The following RAD18 variants were observed in gnomAD, a reference collection of about 807,000 sequenced individuals.
RAD18 encodes the protein E3 ubiquitin-protein ligase RAD18.
RAD18 carries 47 observed loss-of-function variants against 60.4 expected under a neutral mutation model. The ratio of observed to expected loss-of-function variants is 0.78; its 90% CI spans 0.62 to 0.99. The LOEUF (loss-of-function observed/expected upper bound fraction) is 0.99, where lower values mean the gene tolerates loss of function less well. RAD18 is among the 50% of genes least tolerant of loss of function. RAD18 has a pLI of 0.00. For missense variants in RAD18, 640 were observed against 593.3 expected, an observed-to-expected ratio of 1.08 and a Z score of -0.82; for synonymous variants, 225 against 195.5, an observed-to-expected ratio of 1.15 and a Z score of -1.26.
intron 2 of RAD18, among the ~76,000 whole-genome samples, chr3:8,955,992 GAC>G (rs996232471): frequency 1.4e-4 from 22 of 152,062 alleles, no homozygotes; most frequent in African/African-American, 5.3e-4. Context: ...TTATTAATAA[GAC>G]ACAGTAAGAG....
chr3:8,911,577 C>A (rs1235076645), intron 9 of RAD18, among the ~76,000 whole-genome samples: 1 of 129,254 alleles, frequency 7.7e-6, no homozygotes, highest in African/African-American at 2.7e-5. Flanking sequence ...AAGGCACAGG[C>A]AATCACACCT....
intron 4 of RAD18, among the ~76,000 whole-genome samples, chr3:8,945,553 C>A (rs1330978951): frequency 6.8e-6 from 1 of 147,784 alleles, no homozygotes; most frequent in Admixed American, 6.9e-5. Flanking sequence ...CTCACTGCAA[C>A]CTCCAACTCC....
At chr3:8,932,278 A>G (rs1194099736) in intron 7 of RAD18, among the ~76,000 whole-genome samples, 1 of 152,236 alleles carries the variant, frequency 6.6e-6, no homozygotes, top group African/African-American at 2.4e-5. Flanking sequence ...CACAACACAT[A>G]TATTTTAAAA....
chr3:8,905,347 T>C (rs928605064), intron 9 of RAD18, among the ~76,000 whole-genome samples: 7 of 152,216 alleles, frequency 4.6e-5, no homozygotes, highest in Admixed American at 1.3e-4. Flanking sequence ...CCCTGATCAC[T>C]TTAACTACTC....
chr3:8,926,414 C>T (rs1490940723), intron 7 of RAD18, among the ~76,000 whole-genome samples: 1 of 152,130 alleles, frequency 6.6e-6, no homozygotes, highest in African/African-American at 2.4e-5. Context: ...AAACAGGATA[C>T]AAACAAATGG....
At position 8,878,836 on chromosome 3, in the gene RAD18, T is replaced by A. The variant is rs1939410230; in HGVS notation, c.*2521A>T. 6.6e-6 allele frequency: 1 copy of A among 152,202 alleles called. No homozygotes were observed. The highest frequency in any genetic ancestry group is 6.5e-5 in the Admixed American group (1 of 15,284). The allele number at this position is 152,202 out of a possible 1,614,324, so 9.4% of individuals were successfully genotyped here. A position where few individuals can be genotyped will look rare whatever the true frequency, so the allele number is the denominator to read the frequency against. On this transcript the variant is annotated 3_prime_UTR_variant, in exon 13 of 13. Transcript: ENST00000264926. ...GAGCTGATGTTGATGGGAGATGTTA[T>A]AACTTTGAGGGGAGTGAGGAGGTAG... is the stretch of plus-strand genomic sequence containing the variant.
rs776229080 is a variant in RAD18, at chr3:8,935,974, C to T, written c.786G>A (p.Glu262=). 6.2e-7 allele frequency: 1 copy of T among 1,610,328 alleles called. No homozygotes were observed. The highest frequency in any genetic ancestry group is 8.5e-7 in the Non-Finnish European group (1 of 1,177,480). The change falls in exon 7 of 13, where the codon GAG becomes GAA. Residue 262 remains glutamate, a synonymous_variant. Coordinates refer to ENST00000264926, the MANE Select transcript of RAD18 (RefSeq NM_020165.4). ...TATTTCCTTGAATAGATAATCCATG[C>T]TCTTTTAGCTTTTTCTTTAAATCAC... ...SDRDLKKKLK[E]HGLSIQGNKQ...
At chr3:8,930,962 A>G (rs180735337) in intron 7 of RAD18, among the ~76,000 whole-genome samples, 4 of 152,286 alleles carry the variant, frequency 2.6e-5, no homozygotes, top group East Asian at 1.9e-4. Context: ...AAAGGAAAGG[A>G]TGTTTGCCCA....
chr3:8,886,057 T>A (rs1451733033), intron 12 of RAD18, among the ~76,000 whole-genome samples: 1 of 152,242 alleles, frequency 6.6e-6, no homozygotes, highest in African/African-American at 2.4e-5. Flanking sequence ...GTGCTACAAT[T>A]GTTTTAACAT....
Position 8,881,422 on chromosome 3 carries a change from T to G in RAD18, c.1423A>C (p.Asn475His). ...LQDTEISPRQNRRTRAAESAE... is the reference protein window; with the variant it reads ...LQDTEISPRQHRRTRAAESAE... ...CTTTCAGCGGCTCTTGTGCGGCGAT[T>G]CTGTCTTGGACTTATTTCTGTGTCT... The change falls in exon 13 of 13, where the codon AAT (asparagine) becomes CAT (histidine). Residue 475 changes from asparagine to histidine, a missense_variant. Physicochemically the swap from Asn to His is moderately conservative, Grantham distance 68 (BLOSUM62 1). Coordinates refer to ENST00000264926, the MANE Select transcript of RAD18 (RefSeq NM_020165.4). 1 of 1,612,926 alleles carries G rather than the reference T, an allele frequency of 6.2e-7. No individual in the cohort carries two copies. The highest frequency in any genetic ancestry group is 8.5e-7 in the Non-Finnish European group (1 of 1,178,872).
intron 7 of RAD18, among the ~76,000 whole-genome samples, chr3:8,932,983 C>G (rs1480158679): frequency 6.6e-6 from 1 of 152,000 alleles, no homozygotes; most frequent in Non-Finnish European, 1.5e-5. Context: ...GTAGTCCCAG[C>G]TACTCGGGAG....
At chr3:8,919,189 T>A (rs192990132) in intron 7 of RAD18, among the ~76,000 whole-genome samples, 7 of 152,270 alleles carry the variant, frequency 4.6e-5, no homozygotes, top group Admixed American at 4.6e-4. Context: ...GGGAACTAAA[T>A]CATCATTAGA....
intron 4 of RAD18, 113 bp downstream of exon 4, chr3:8,947,107 T>C: frequency 1.3e-6 from 1 of 791,032 alleles, no homozygotes; most frequent in South Asian, 1.8e-5. Flanking sequence ...TTCCCTTCTT[T>C]GACTATAAAA....
At chr3:8,890,535 T>A in intron 11 of RAD18, 84 bp from the exon 12 acceptor site, 1 of 1,092,978 alleles carries the variant, frequency 9.1e-7, no homozygotes, top group Non-Finnish European at 1.4e-6. Flanking sequence ...AAAAAACAAA[T>A]GAGTCTATAG....
intron 11 of RAD18, among the ~76,000 whole-genome samples, chr3:8,891,603 C>G (rs748102103): frequency 2.6e-5 from 4 of 152,304 alleles, no homozygotes; most frequent in Middle Eastern, 6.8e-3. Context: ...ATCTCCTCTT[C>G]CTCTGTGACT....
At chr3:8,951,200 C>G (rs536735182) in intron 2 of RAD18, among the ~76,000 whole-genome samples, 2 of 152,172 alleles carry the variant, frequency 1.3e-5, no homozygotes, top group South Asian at 4.2e-4. Context: ...CAAATAGACA[C>G]CTCAGCCAAT....
rs530228873 is a variant in RAD18 at position 8,927,414 on chromosome 3, G to A, written c.889+8457C>T. Among the ~76,000 whole-genome samples, 8 of 152,272 alleles carry A rather than the reference G, an allele frequency of 5.3e-5. No homozygotes were observed. In the East Asian group the frequency reaches 1.5e-3, roughly 29 times the overall value. On this transcript the variant is annotated intron_variant, in intron 7 of 12. Transcript: ENST00000264926. ...TCATTAAAAAGTCAGGAAACAACAG[G>A]TGCTGGAGAGGATGTGGAGAAATAG...
At chr3:8,908,747 A>G (rs908694833) in intron 9 of RAD18, among the ~76,000 whole-genome samples, 2 of 152,248 alleles carry the variant, frequency 1.3e-5, no homozygotes, top group African/African-American at 2.4e-5. Context: ...ACAATAAATA[A>G]TGATTATGAC....
chr3:8,902,550 C>T (rs779141352), intron 9 of RAD18, 30 bp from the exon 10 acceptor site: 1 of 1,572,540 alleles, frequency 6.4e-7, no homozygotes, highest in Admixed American at 1.9e-5. Context: ...CTCAGTAAAG[C>T]TAGGACTATG....
Sources: gnomAD v4.1 joint callset for allele counts (sites outside exome capture counted in the v4.1 genomes callset) on GRCh38, gnomAD v4.1.1 for gene constraint, MANE v1.5 for transcripts, NCBI Gene and HGNC (gene_info 2026-07-23, HGNC 2026-07-21) for gene names.